The following AHR variants were observed in gnomAD, a reference collection of about 807,000 sequenced individuals.
AHR encodes aryl hydrocarbon receptor.
AHR carries 40 observed loss-of-function variants against 86.8 expected under a neutral mutation model. The observed-to-expected ratio is 0.46, with a 90% CI of 0.36 to 0.60. AHR has a LOEUF of 0.60. Ranked by LOEUF, AHR falls within the 20% of genes least tolerant of loss-of-function variation. The probability of loss-of-function intolerance (pLI) is 0.00; values close to 1 mark genes in which losing one functional copy is unlikely to be tolerated. For missense variants in AHR, 1,001 were observed against 1,011.6 expected (o/e 0.99, Z 0.14); for synonymous variants, 398 against 354.9 (o/e 1.12, Z -1.37).
chr7:17,342,951 C>T lies in AHR; in HGVS notation c.2434C>T (p.Pro812Ser). Residue 812 changes from proline to serine, a missense_variant, in exon 11 of 11, where the codon CCA becomes TCA. Pro to Ser is a moderately conservative substitution (Grantham distance 74, BLOSUM62 -1). Around this residue, in one of 2 missense-constraint regions of AHR, gnomAD observed 607 missense variants for 543.1 expected, o/e 1.12. Coordinates refer to ENST00000242057, the MANE Select transcript of AHR (RefSeq NM_001621.5). ...FQNGVLNETY[P>S]AELNNINNTQ... ...GAATGGAGTTTTAAATGAAACATAT[C>T]CAGCTGAATTAAATAACATAAATAA... The T allele has an allele frequency of 6.2e-7, 1 of 1,612,668 alleles. No individual in the cohort carries two copies. The highest frequency in any genetic ancestry group is 8.5e-7 in the Non-Finnish European group (1 of 1,179,296).
rs959884505 is a variant in AHR, at chr7:17,299,054, G to A, written c.-211G>A. 1.6e-5 allele frequency: 8 copies of A among 513,644 alleles called. No individual in the cohort carries two copies. The highest frequency in any genetic ancestry group is 2.3e-5 in the Non-Finnish European group (7 of 302,840). The allele number at this position is 513,644 out of a possible 1,614,324, so 31.8% of individuals were successfully genotyped here. Reference sequence around the variant, plus strand: ...ACCCTCACTGCGCCAGGCCCAGGCAGCTCACCTGTACTGGCGCGGGCTGCG... The same window carrying A: ...ACCCTCACTGCGCCAGGCCCAGGCAACTCACCTGTACTGGCGCGGGCTGCG... On this transcript the variant is annotated 5_prime_UTR_variant, in exon 1 of 11. Transcript: ENST00000242057.
rs375539934 is a variant in AHR at position 17,339,342 on chromosome 7, A to G, written c.1517A>G (p.Asp506Gly). 1.2e-6 allele frequency: 2 copies of G among 1,614,232 alleles called. No homozygotes were observed. The highest frequency in any genetic ancestry group is 1.3e-5 in the African/African-American group (1 of 75,066). The part of the protein sequence containing the change: ...WQDNTAPMGN[D>G]TILKHEQIDQ... ...GATAATACTGCACCGATGGGAAATG[A>G]TACTATCCTGAAACATGAGCAAATT... Residue 506 changes from aspartate (D) to glycine (G), a missense_variant, in exon 10 of 11, where the codon GAT becomes GGT. Physicochemically the swap from Asp to Gly is moderately conservative, Grantham distance 94. Coordinates refer to ENST00000242057, the MANE Select transcript of AHR (RefSeq NM_001621.5).
In AHR at chr7:17,334,820, A is replaced by G. The variant is rs1782337880; in HGVS notation, c.909-67A>G. Reference sequence around the variant, plus strand: ...AAACTAGCGTAAAACCAATGAATTTATCTTGGTTATTTCATTTATGTTAAA... The same window carrying G: ...AAACTAGCGTAAAACCAATGAATTTGTCTTGGTTATTTCATTTATGTTAAA... On this transcript the variant is annotated intron_variant, in intron 7 of 10. Coordinates refer to ENST00000242057, the MANE Select transcript of AHR (RefSeq NM_001621.5). 7.9e-6 allele frequency: 9 copies of G among 1,137,826 alleles called. No individual in the cohort carries two copies. The East Asian group carries it at 9.8e-5, about 12-fold the overall frequency. 70.5% of individuals were successfully genotyped at this position (1,137,826 alleles called of 1,614,324 possible).
At chr7:17,308,421 T>C (rs1245645272) in intron 1 of AHR, among the ~76,000 whole-genome samples, 1 of 152,110 alleles carries the variant, frequency 6.6e-6, no homozygotes, top group African/African-American at 2.4e-5. Context: ...AGAAAAGTGT[T>C]TACCTGGGCT....
rs373271883 is a variant in AHR, at chr7:17,339,991, G to A, written c.2166G>A (p.Gly722=). Reference sequence around the variant, plus strand: ...GTACAGAGCTGGACTACCCTATGGGGAGTTTTGAACCATCCCCATACCCCA... The same window carrying A: ...GTACAGAGCTGGACTACCCTATGGGAAGTTTTGAACCATCCCCATACCCCA... ...SKCTELDYPM[G]SFEPSPYPTT... Residue 722 remains glycine (G), a synonymous_variant, in exon 10 of 11, where the codon GGG becomes GGA. Coordinates refer to ENST00000242057, the MANE Select transcript of AHR (RefSeq NM_001621.5). 8 of 1,614,060 alleles carry A rather than the reference G, an allele frequency of 5.0e-6. No individual in the cohort carries two copies. Among genetic ancestry groups the A allele is most frequent in the African/African-American group, 1.3e-5 (1 of 74,920 alleles).
rs991849491 is a variant in AHR, at chr7:17,332,155, A to T, written c.705+1269A>T. Reference sequence around the variant, plus strand: ...TGCTCACATGTTGATGGTGATGCTGATGGAAGCAAACCTGTGTTGCCAGTC... The same window carrying T: ...TGCTCACATGTTGATGGTGATGCTGTTGGAAGCAAACCTGTGTTGCCAGTC... On this transcript the variant is annotated intron_variant, in intron 6 of 10. Transcript: ENST00000242057. Among the ~76,000 whole-genome samples the T allele has an allele frequency of 7.2e-5, 11 of 151,982 alleles. 1 individual carries two copies. The highest frequency in any genetic ancestry group is 1.5e-4 in the Non-Finnish European group (10 of 67,898).
intron 3 of AHR, among the ~76,000 whole-genome samples, 193 bp downstream of exon 3, chr7:17,322,800 G>T (rs1782188405): frequency 6.6e-6 from 1 of 152,012 alleles, no homozygotes; most frequent in Non-Finnish European, 1.5e-5. Flanking sequence ...ATATAATGAT[G>T]TTTCAGTTAA....
Position 17,339,559 on chromosome 7 carries a change from G to A in AHR, c.1734G>A (p.Thr578=), listed in dbSNP as rs200030191. The change falls in exon 10 of 11, where the codon ACG becomes ACA. Residue 578 remains threonine, a synonymous_variant. Coordinates refer to ENST00000242057, the MANE Select transcript of AHR (RefSeq NM_001621.5). ...GEVDFRDIDL[T]DEILTYVQDS... ...TTGACTTCAGAGACATTGACTTAAC[G>A]GATGAAATCCTGACGTATGTCCAAG... 29 of 1,614,090 alleles carry A rather than the reference G, an allele frequency of 1.8e-5. No individual in the cohort carries two copies. In the East Asian group the frequency reaches 4.9e-4, roughly 27 times the overall value.
chr7:17,320,051 A>G (rs1276996442), intron 2 of AHR, among the ~76,000 whole-genome samples: 1 of 152,058 alleles, frequency 6.6e-6, no homozygotes, highest in African/African-American at 2.4e-5. Context: ...CACTTTTCCT[A>G]CTTATGTAGT....
chr7:17,323,068 C>G (rs1305346387), intron 3 of AHR, among the ~76,000 whole-genome samples: 2 of 152,044 alleles, frequency 1.3e-5, no homozygotes, highest in East Asian at 3.9e-4. Context: ...CACCTAACCA[C>G]ATATTTCTTT....
In AHR at chr7:17,339,211, A is replaced by G. The variant is rs1181347343; in HGVS notation, c.1386A>G (p.Gln462=). The G allele has an allele frequency of 6.2e-7, 1 of 1,614,208 alleles. No homozygotes were observed. Among genetic ancestry groups the G allele is most frequent in the South Asian group, 1.1e-5 (1 of 91,082 alleles). The change falls in exon 10 of 11, where the codon CAA becomes CAG. Residue 462 remains glutamine (Q), a synonymous_variant. Coordinates refer to ENST00000242057, the MANE Select transcript of AHR (RefSeq NM_001621.5). ...NPSSLLAAMM[Q]QDESIYLYPA... is the part of the protein sequence containing the mutation. ...GTTCCCTCCTGGCTGCCATGATGCA[A>G]CAAGATGAGTCTATTTATCTCTATC...
intron 2 of AHR, among the ~76,000 whole-genome samples, chr7:17,311,834 C>T (rs1782067233): frequency 6.6e-6 from 1 of 152,166 alleles, no homozygotes; most frequent in African/African-American, 2.4e-5. Context: ...AACTAGAACT[C>T]AGGTTTCTAG....
Position 17,343,225 on chromosome 7 carries a change from A to G in AHR, c.*161A>G. ...ACCAAATTTTAATTTTTGCTTTTAG[A>G]AAAGGGAGTTTAAAAATGGTATCAA... On this transcript the variant is annotated 3_prime_UTR_variant, in exon 11 of 11. Coordinates refer to ENST00000242057, the MANE Select transcript of AHR (RefSeq NM_001621.5). The G allele has an allele frequency of 5.8e-6, 5 of 859,306 alleles. No individual in the cohort carries two copies. Among genetic ancestry groups the G allele is most frequent in the South Asian group, 3.2e-5 (2 of 63,490 alleles). The allele number at this position is 859,306 out of a possible 1,614,324, so 53.2% of individuals were successfully genotyped here.
chr7:17,315,374 A>T (rs1233827770), intron 2 of AHR, among the ~76,000 whole-genome samples: 1 of 152,044 alleles, frequency 6.6e-6, no homozygotes, highest in East Asian at 1.9e-4. Flanking sequence ...TTTGAAGAAC[A>T]CAGTGACAAA....
chr7:17,320,585 G>C (rs1782158270), intron 2 of AHR, among the ~76,000 whole-genome samples: 1 of 152,050 alleles, frequency 6.6e-6, no homozygotes, highest in South Asian at 2.1e-4. Flanking sequence ...AAGTGTTACT[G>C]ATGCTTCATA....
In AHR at chr7:17,320,854, A is replaced by G. The variant is rs114107109; in HGVS notation, c.254-1647A>G. 2.6e-3 allele frequency among the ~76,000 whole-genome samples: 397 copies of G among 152,230 alleles called. 2 individuals carry two copies. The highest frequency in any genetic ancestry group is 9.0e-3 in the African/African-American group (376 of 41,570). On this transcript the variant is annotated intron_variant, in intron 2 of 10. Transcript: ENST00000242057. ...ATCTGTTCTCTGGCCTTTTGAAGTTACATTCAGAGACCGTGCTTTTGGCTG... is the reference window on the plus strand; with the variant it reads ...ATCTGTTCTCTGGCCTTTTGAAGTTGCATTCAGAGACCGTGCTTTTGGCTG...
At position 17,298,812 on chromosome 7, in the gene AHR, T is replaced by C; in HGVS notation, c.-453T>C. The C allele has an allele frequency of 2.5e-6, 1 of 397,894 alleles. No homozygotes were observed. Among genetic ancestry groups the C allele is most frequent in the East Asian group, 3.6e-5 (1 of 27,978 alleles). 24.6% of individuals were successfully genotyped at this position (397,894 alleles called of 1,614,324 possible). ...CGGGAAGCACCCTGGATTTAGGAAG[T>C]CCCGGGAGCAGCGCGGCGGCACCTC... is the stretch of plus-strand genomic sequence containing the variant. On this transcript the variant is annotated 5_prime_UTR_variant, in exon 1 of 11. Transcript: ENST00000242057.
chr7:17,307,226 G>A (rs991071137), intron 1 of AHR, among the ~76,000 whole-genome samples: 1 of 151,924 alleles, frequency 6.6e-6, no homozygotes, highest in African/African-American at 2.4e-5. Flanking sequence ...TTCAGCGTTT[G>A]TGTCACTCTC....
chr7:17,334,007 G>A lies in AHR; in HGVS notation c.801G>A (p.Ala267=), dbSNP rs771736391. 18 of 1,613,336 alleles carry A rather than the reference G, an allele frequency of 1.1e-5. No homozygotes were observed. Among genetic ancestry groups the A allele is most frequent in the South Asian group, 4.4e-5 (4 of 91,062 alleles). Residue 267 remains alanine, a synonymous_variant, in exon 7 of 11, where the codon GCG becomes GCA. Transcript: ENST00000242057. ...SILPPQLALF[A]IATPLQPPSI... Reference sequence around the variant, plus strand: ...TTCCACCTCAGTTGGCTTTGTTTGCGATAGCTACTCCACTTCAGCCACCAT... The same window carrying A: ...TTCCACCTCAGTTGGCTTTGTTTGCAATAGCTACTCCACTTCAGCCACCAT...
Sources: allele counts gnomAD v4.1 joint callset (sites outside exome capture counted in the v4.1 genomes callset), GRCh38; gene constraint gnomAD v4.1.1; regional missense constraint gnomAD v4.1.1; transcripts MANE v1.5; gene names NCBI Gene and HGNC (gene_info 2026-07-23, HGNC 2026-07-21).